TF: variants seen among roughly 807,000 people sequenced by gnomAD.
The protein encoded by TF is serotransferrin.
In TF, 55 loss-of-function variants were observed where a neutral mutation model predicts 82.4. The ratio of observed to expected loss-of-function variants is 0.67; its 90% CI spans 0.54 to 0.84. TF has a LOEUF of 0.84. Among genes scored for constraint, TF ranks in the 40% least tolerant of loss-of-function variants. The pLI is 0.00. For missense variants in TF, 737 were observed against 868.4 expected (o/e 0.85, Z 1.90); for synonymous variants, 332 against 332.6 (o/e 1.00, Z 0.02).
the TF span, among the ~76,000 whole-genome samples, chr3:133,692,165 G>A: frequency 6.6e-6 from 1 of 152,252 alleles, no homozygotes; most frequent in Non-Finnish European, 1.5e-5. Context: ...CACAGGACCT[G>A]ACTGCGTCTT....
In TF at chr3:133,757,886, G is replaced by C. The variant is rs775899310; in HGVS notation, c.988G>C (p.Ala330Pro). The change falls in exon 8 of 17, where the codon GCC (alanine) becomes CCC (proline). Residue 330 changes from alanine (A) to proline (P), a missense_variant. Coordinates refer to ENST00000402696, the MANE Select transcript of TF (RefSeq NM_001063.4). ...TTTAAAAGTCCCCCCCAGGATGGATGCCAAGATGTACCTGGGCTATGAGTA... is the reference window on the plus strand; with the variant it reads ...TTTAAAAGTCCCCCCCAGGATGGATCCCAAGATGTACCTGGGCTATGAGTA... The part of the protein sequence containing the change: ...GFLKVPPRMD[A>P]KMYLGYEYVT... The C allele has an allele frequency of 4.3e-6, 7 of 1,614,136 alleles. No homozygotes were observed. In the East Asian group the frequency reaches 1.6e-4, roughly 36 times the overall value.
At chr3:133,697,317 T>C in the TF span, among the ~76,000 whole-genome samples, 2 of 152,188 alleles carry the variant, frequency 1.3e-5, no homozygotes, top group African/African-American at 4.8e-5. Context: ...TTTGTTAGCA[T>C]TTTGGCAATT....
intron 9 of TF, chr3:133,762,331 C>T (rs1454742096): frequency 6.4e-6 from 1 of 157,392 alleles, no homozygotes; most frequent in Non-Finnish European, 1.4e-5. Context: ...TTGAGAGTAG[C>T]TCTCTAACAG....
chr3:133,733,777 A>G, the TF span, among the ~76,000 whole-genome samples: 4 of 152,158 alleles, frequency 2.6e-5, no homozygotes, highest in Admixed American at 6.6e-5. Flanking sequence ...ACAGTCCTGT[A>G]GAGGAGATGA....
At chr3:133,740,759 C>T in the TF span, among the ~76,000 whole-genome samples, 1 of 152,114 alleles carries the variant, frequency 6.6e-6, no homozygotes. Context: ...TTTACAATAT[C>T]AAGTCTTCCA....
At chr3:133,719,545 G>C in the TF span, among the ~76,000 whole-genome samples, 1 of 152,152 alleles carries the variant, frequency 6.6e-6, no homozygotes. Flanking sequence ...GTCAGGTACT[G>C]TGATACCCCC....
Position 133,755,483 on chromosome 3 carries a change from C to A in TF, c.623C>A (p.Ser208Ter). Residue 208 changes from serine to a stop codon, truncating the protein, a stop_gained, in exon 5 of 17, where the codon TCG (serine) becomes TAG (stop). Coordinates refer to ENST00000402696, the MANE Select transcript of TF (RefSeq NM_001063.4). LOFTEE classifies it high-confidence loss of function. ...CSTLNQYFGYSGAFKCLKDGA... is the reference protein window; with the variant it reads ...CSTLNQYFGY ...ACCCTTAACCAATACTTCGGCTACT[C>A]GGGAGCCTTCAAGTGAGTGAGATGT... The A allele has an allele frequency of 6.2e-7, 1 of 1,614,116 alleles. No homozygotes were observed. The highest frequency in any genetic ancestry group is 8.5e-7 in the Non-Finnish European group (1 of 1,179,968).
the TF span, among the ~76,000 whole-genome samples, chr3:133,689,306 G>A: frequency 3.6e-4 from 55 of 151,962 alleles, no homozygotes; most frequent in African/African-American, 1.1e-3. Flanking sequence ...CCTGGGCAAC[G>A]GAGCGAGACT....
the TF span, among the ~76,000 whole-genome samples, chr3:133,729,740 G>A: frequency 1.1e-4 from 16 of 152,122 alleles, no homozygotes; most frequent in South Asian, 8.3e-4. Context: ...GAAATCACCC[G>A]TCTTCTGCAT....
chr3:133,787,464 T>G lies in TF; in HGVS notation c.*8844T>G, dbSNP rs1244262933. 6.6e-6 allele frequency: 1 copy of G among 152,242 alleles called. No individual in the cohort carries two copies. Among genetic ancestry groups the G allele is most frequent in the Non-Finnish European group, 1.5e-5 (1 of 68,024 alleles). The allele number at this position is 152,242 out of a possible 1,614,324, so 9.4% of individuals were successfully genotyped here. On this transcript the variant is annotated 3_prime_UTR_variant, in exon 17 of 17. Transcript: ENST00000402696. ...TGTGCAATTTTATTTTACAGTGCTA[T>G]GTACACAGTGGAAAGTTATATGAAA...
chr3:133,771,856 G>A (rs1165708348), intron 14 of TF, among the ~76,000 whole-genome samples: 1 of 151,532 alleles, frequency 6.6e-6, no homozygotes, highest in Non-Finnish European at 1.5e-5. Flanking sequence ...ACATTGGCCA[G>A]ACTGAGCACT....
the TF span, among the ~76,000 whole-genome samples, chr3:133,686,870 A>G: frequency 2.0e-5 from 3 of 152,258 alleles, no homozygotes; most frequent in Admixed American, 6.5e-5. Context: ...ACTGTAAATC[A>G]TGCTGCTATA....
the TF span, among the ~76,000 whole-genome samples, chr3:133,731,383 G>A: frequency 1.3e-5 from 2 of 152,214 alleles, no homozygotes; most frequent in African/African-American, 4.8e-5. Context: ...GACAGCTCAG[G>A]CTATTGAGTT....
chr3:133,674,309 C>G, the TF span, among the ~76,000 whole-genome samples: 1 of 152,214 alleles, frequency 6.6e-6, no homozygotes, highest in African/African-American at 2.4e-5. Flanking sequence ...AGCGGCCAGA[C>G]TAGTGCGCTC....
At chr3:133,744,138 G>C (rs1046954050), upstream of TF, among the ~76,000 whole-genome samples, 1 of 152,254 alleles carries the variant, frequency 6.6e-6, no homozygotes, top group African/African-American at 2.4e-5. Flanking sequence ...AGGGCATAGA[G>C]CTGGCTGCTC....
the TF span, chr3:133,710,139 C>A: frequency 2.0e-5 from 3 of 152,768 alleles, no homozygotes; most frequent in Non-Finnish European, 4.4e-5. Context: ...CAAGATCAGA[C>A]AAGATCAGGC....
chr3:133,746,295 T>C (rs1162639901), upstream of TF: 24 of 930,616 alleles, frequency 2.6e-5, no homozygotes, highest in Non-Finnish European at 4.0e-5. Context: ...AGAGGGGCGA[T>C]TGGGCAACCC....
intron 9 of TF, among the ~76,000 whole-genome samples, chr3:133,763,805 T>TCCACAG (rs1347400860): frequency 2.0e-5 from 3 of 152,172 alleles, no homozygotes; most frequent in African/African-American, 7.2e-5. Flanking sequence ...GGTGCTGTGT[T>TCCACAG]CCACAGCCAC....
intron 9 of TF, chr3:133,760,180 T>C (rs1220928820): frequency 2.6e-5 from 4 of 152,100 alleles, no homozygotes; most frequent in African/African-American, 9.7e-5. Flanking sequence ...TATTCTTGAG[T>C]TGGATCCTTT....
Sources: gnomAD v4.1 joint callset for allele counts (sites outside exome capture counted in the v4.1 genomes callset) on GRCh38, gnomAD v4.1.1 for gene constraint, MANE v1.5 for transcripts, NCBI Gene and HGNC (gene_info 2026-07-23, HGNC 2026-07-21) for gene names.